NPNT: variants seen among roughly 807,000 people sequenced by gnomAD.
NPNT encodes the protein nephronectin.
In NPNT, 45 loss-of-function variants were observed where a neutral mutation model predicts 68.6. That is an observed-to-expected ratio of 0.66 (90% confidence interval 0.52 to 0.84). The LOEUF (loss-of-function observed/expected upper bound fraction) is 0.84, where lower values mean the gene tolerates loss of function less well. NPNT is among the 40% of genes least tolerant of loss of function. The pLI is 0.00. For synonymous variants in NPNT, 233 were observed against 253.3 expected, an observed-to-expected ratio of 0.92 and a Z score of 0.76; for missense variants, 672 against 714.8, an observed-to-expected ratio of 0.94 and a Z score of 0.68.
intron 10 of NPNT, among the ~76,000 whole-genome samples, chr4:105,962,317 G>A (rs1731779716): frequency 1.3e-5 from 2 of 152,134 alleles, no homozygotes; most frequent in Admixed American, 6.5e-5. Context: ...GAACCATAAC[G>A]TTTAGCCTGG....
At chr4:105,935,150 A>G (rs1319463018) in intron 3 of NPNT, among the ~76,000 whole-genome samples, 4 of 152,206 alleles carry the variant, frequency 2.6e-5, no homozygotes, top group Admixed American at 2.6e-4. Context: ...ACCTAGGGAT[A>G]CTTAACTGAC....
intron 8 of NPNT, among the ~76,000 whole-genome samples, chr4:105,946,878 G>A (rs1056362841): frequency 2.0e-5 from 3 of 152,086 alleles, no homozygotes; most frequent in Non-Finnish European, 4.4e-5. Context: ...AAACAGGTTC[G>A]AGAGCAGAGA....
chr4:105,910,569 G>A (rs1294653337), intron 2 of NPNT, among the ~76,000 whole-genome samples: 1 of 152,032 alleles, frequency 6.6e-6, no homozygotes, highest in Non-Finnish European at 1.5e-5. Flanking sequence ...TGTGATGGTT[G>A]CATATAAAAA....
chr4:105,927,099 T>C (rs1728739991), intron 2 of NPNT: 1 of 283,826 alleles, frequency 3.5e-6, no homozygotes, highest in Non-Finnish European at 6.6e-6. Context: ...TTGAGTATTG[T>C]CCTTGAATTT....
intron 6 of NPNT, 104 bp from the exon 7 acceptor site, chr4:105,940,410 T>A (rs1479252646): frequency 2.2e-5 from 26 of 1,184,904 alleles, no homozygotes; most frequent in Non-Finnish European, 1.2e-5. Flanking sequence ...ATTATGTAGA[T>A]CATCACATTG....
intron 8 of NPNT, among the ~76,000 whole-genome samples, chr4:105,954,908 C>G (rs560206586): frequency 6.6e-6 from 1 of 152,204 alleles, no homozygotes; most frequent in East Asian, 1.9e-4. Flanking sequence ...TCTGCCTTCA[C>G]TTCTAGAATG....
chr4:105,913,825 T>G (rs72968667), intron 2 of NPNT, among the ~76,000 whole-genome samples: 5,013 of 152,236 alleles, frequency 0.033, 250 homozygotes, highest in African/African-American at 0.11. Context: ...TCTAATAATA[T>G]CCATCCATAA....
chr4:105,900,467 G>A (rs1726308032), intron 2 of NPNT, among the ~76,000 whole-genome samples: 1 of 152,150 alleles, frequency 6.6e-6, no homozygotes, highest in Non-Finnish European at 1.5e-5. Flanking sequence ...ATTCATGTGA[G>A]TCAAATGTAC....
At chr4:105,899,713 T>TA (rs952346563) in intron 2 of NPNT, among the ~76,000 whole-genome samples, 1 of 152,214 alleles carries the variant, frequency 6.6e-6, no homozygotes, top group Non-Finnish European at 1.5e-5. Flanking sequence ...CCCTTTCAAT[T>TA]AAAAAGGCAC....
intron 3 of NPNT, among the ~76,000 whole-genome samples, chr4:105,936,396 C>G (rs957288372): frequency 6.6e-6 from 1 of 152,046 alleles, no homozygotes; most frequent in African/African-American, 2.4e-5. Context: ...ATTGATCACT[C>G]TTAATTTATT....
At chr4:105,940,699 A>G (rs1729877088) in intron 7 of NPNT, 63 bp downstream of exon 7, 3 of 1,400,708 alleles carry the variant, frequency 2.1e-6, no homozygotes, top group Non-Finnish European at 1.0e-6. Context: ...CACAAAGGCC[A>G]TTGCTAGGGA....
At chr4:105,968,380 A>G (rs191070023) in intron 11 of NPNT, among the ~76,000 whole-genome samples, 77 of 152,396 alleles carry the variant, frequency 5.1e-4, no homozygotes, top group Non-Finnish European at 7.9e-4. Flanking sequence ...TAGAAAATAT[A>G]ATGTAAGAAT....
intron 1 of NPNT, among the ~76,000 whole-genome samples, chr4:105,897,646 A>G (rs1212245186): frequency 6.6e-6 from 1 of 152,190 alleles, no homozygotes; most frequent in Non-Finnish European, 1.5e-5. Flanking sequence ...TACTTAAGAA[A>G]GCATCTTTCC....
chr4:105,958,974 G>A (rs1393616781), intron 9 of NPNT, 54 bp from the exon 10 acceptor site: 7 of 1,122,794 alleles, frequency 6.2e-6, no homozygotes, highest in Non-Finnish European at 9.6e-6. Flanking sequence ...AGATTCATTT[G>A]TTGTTTTTTG....
chr4:105,931,295 T>C (rs543222253), intron 3 of NPNT, among the ~76,000 whole-genome samples: 2 of 152,314 alleles, frequency 1.3e-5, no homozygotes, highest in South Asian at 2.1e-4. Context: ...GTGTACTTTA[T>C]AATAATTTCA....
chr4:105,963,652 G>T (rs1019189102), intron 10 of NPNT, among the ~76,000 whole-genome samples: 1 of 151,540 alleles, frequency 6.6e-6, no homozygotes, highest in Non-Finnish European at 1.5e-5. Context: ...TAGAACTAAG[G>T]CCCTTTTCCT....
At chr4:105,955,905 G>T (rs886616341) in intron 8 of NPNT, among the ~76,000 whole-genome samples, 1 of 151,960 alleles carries the variant, frequency 6.6e-6, no homozygotes, top group Non-Finnish European at 1.5e-5. Flanking sequence ...AAATAATTTG[G>T]TATGGTTATA....
intron 2 of NPNT, among the ~76,000 whole-genome samples, chr4:105,920,272 G>C (rs1728151582): frequency 1.3e-5 from 2 of 151,202 alleles, no homozygotes; most frequent in African/African-American, 4.9e-5. Flanking sequence ...ACTTATTCTA[G>C]CCTCCCTCCC....
chr4:105,950,350 T>G (rs79063548), intron 8 of NPNT, among the ~76,000 whole-genome samples: 139,859 of 152,146 alleles, frequency 0.92, 64,381 homozygotes, highest in East Asian at 1. Context: ...ATAGTTATTT[T>G]ATGCTTATCT....
Sources: gnomAD v4.1 joint callset for allele counts (sites outside exome capture counted in the v4.1 genomes callset) on GRCh38, gnomAD v4.1.1 for gene constraint, MANE v1.5 for transcripts, NCBI Gene and HGNC (gene_info 2026-07-23, HGNC 2026-07-21) for gene names.